The following UGT1A9 variants were observed in gnomAD, a reference collection of about 807,000 sequenced individuals.
UGT1A9 encodes UDP glucuronosyltransferase family 1 member A9.
In UGT1A9, 35 loss-of-function variants were observed where a neutral mutation model predicts 45.0. The ratio of observed to expected loss-of-function variants is 0.78; its 90% CI spans 0.59 to 1.03. The LOEUF is 1.03. Ranked by LOEUF, UGT1A9 falls within the 50% of genes least tolerant of loss-of-function variation. The probability of loss-of-function intolerance (pLI) is 0.00; values close to 1 mark genes in which losing one functional copy is unlikely to be tolerated. For synonymous variants in UGT1A9, 278 were observed against 250.6 expected (o/e 1.11, Z -1.03); for missense variants, 687 against 666.6 (o/e 1.03, Z -0.34).
chr2:233,755,066 A>G, intron 1 of UGT1A9: 1 of 1,335,668 alleles, frequency 7.5e-7, no homozygotes, highest in Non-Finnish European at 1.0e-6. Flanking sequence ...TCGCCTCGCC[A>G]TAGCGGTCAT....
intron 1 of UGT1A9, among the ~76,000 whole-genome samples, chr2:233,730,262 T>G (rs2078006509): frequency 6.6e-6 from 1 of 152,108 alleles, no homozygotes; most frequent in South Asian, 2.1e-4. Context: ...TAGAGACTGT[T>G]GGTTTGTAAA....
intron 1 of UGT1A9, among the ~76,000 whole-genome samples, chr2:233,714,507 T>A (rs1275407158): frequency 6.6e-6 from 1 of 152,186 alleles, no homozygotes; most frequent in African/African-American, 2.4e-5. Flanking sequence ...TTAAAAAAAA[T>A]TCTTACTAGG....
chr2:233,769,576 T>C lies in UGT1A9; in HGVS notation c.1295+1137T>C. The C allele has an allele frequency of 3.1e-6, 5 of 1,612,860 alleles. No individual in the cohort carries two copies. Among genetic ancestry groups the C allele is most frequent in the Non-Finnish European group, 4.2e-6 (5 of 1,179,860 alleles). ...GACAGATGTGAAGAGCTGGAGCATG[T>C]TCAGATGAGAGGAGACGGAACACGG... On this transcript the variant is annotated intron_variant, in intron 4 of 4. Coordinates refer to ENST00000354728, the MANE Select transcript of UGT1A9 (RefSeq NM_021027.3). The surrounding 1 kb of genome is among the most constrained non-coding windows in gnomAD (Gnocchi z 4.4).
At position 233,772,345 on chromosome 2, in the gene UGT1A9, A is replaced by G. The variant is rs72551358; in HGVS notation, c.1379A>G (p.Glu460Gly). 4 of 1,614,196 alleles carry G rather than the reference A, an allele frequency of 2.5e-6. No homozygotes were observed. The highest frequency in any genetic ancestry group is 3.4e-6 in the Non-Finnish European group (4 of 1,180,040). The change falls in exon 5 of 5, where the codon GAG becomes GGG. Residue 460 changes from glutamate (E) to glycine (G), a missense_variant. Glu to Gly is a moderately conservative substitution (Grantham distance 98, BLOSUM62 -2). Transcript: ENST00000354728. ...CTGGACCTGGCCGTGTTCTGGGTGG[A>G]GTTTGTGATGAGGCACAAGGGCGCG... The part of the protein sequence containing the change: ...EPLDLAVFWV[E>G]FVMRHKGAPH...
chr2:233,757,450 T>C (rs1696530836), intron 1 of UGT1A9, among the ~76,000 whole-genome samples: 1 of 150,428 alleles, frequency 6.6e-6, no homozygotes, highest in African/African-American at 2.5e-5. Context: ...TACAGAAACA[T>C]GTCCAGAGCG....
Position 233,693,787 on chromosome 2 carries a change from T to G in UGT1A9, c.855+20998T>G, listed in dbSNP as rs202244084. The G allele has an allele frequency of 5.0e-6, 8 of 1,614,234 alleles. No individual in the cohort carries two copies. In the East Asian group the frequency reaches 1.8e-4, roughly 36 times the overall value. ...GGCTGTTAAGATATGACTTTGTGCT[T>G]GAATATCCTAGGCCGGTCATGCCCA... On this transcript the variant is annotated intron_variant, in intron 1 of 4. Coordinates refer to ENST00000354728, the MANE Select transcript of UGT1A9 (RefSeq NM_021027.3).
intron 1 of UGT1A9, chr2:233,729,416 CTCAACTGT>C (rs2077854535): frequency 6.2e-7 from 1 of 1,613,510 alleles, no homozygotes. Context: ...CTGGGCCACA[CTCAACTGT>C]ACTTTGAAAC....
At chr2:233,709,625 TGTGA>T (rs2076085434) in intron 1 of UGT1A9, among the ~76,000 whole-genome samples, 1 of 152,234 alleles carries the variant, frequency 6.6e-6, no homozygotes, top group African/African-American at 2.4e-5. Flanking sequence ...GGTGTTTTGC[TGTGA>T]GTGTTTCTTG....
intron 1 of UGT1A9, among the ~76,000 whole-genome samples, chr2:233,765,889 C>T (rs1032509940): frequency 6.6e-6 from 1 of 152,020 alleles, no homozygotes; most frequent in Admixed American, 6.5e-5. Context: ...TTTCTCAGTG[C>T]GCCACTGCTC....
chr2:233,681,362 C>T (rs1380468545), intron 1 of UGT1A9, among the ~76,000 whole-genome samples: 2 of 151,664 alleles, frequency 1.3e-5, no homozygotes, highest in Non-Finnish European at 2.9e-5. Flanking sequence ...GGTGAAACCC[C>T]GTCTCCACTA....
chr2:233,678,600 C>T (rs1385438468), intron 1 of UGT1A9, among the ~76,000 whole-genome samples: 1 of 152,124 alleles, frequency 6.6e-6, no homozygotes, highest in African/African-American at 2.4e-5. Flanking sequence ...TTTCAGTGCC[C>T]ATAAGGGTTC....
At chr2:233,680,312 C>G (rs1217539117) in intron 1 of UGT1A9, among the ~76,000 whole-genome samples, 2 of 152,136 alleles carry the variant, frequency 1.3e-5, no homozygotes, top group Non-Finnish European at 2.9e-5. Flanking sequence ...ATGCAATTTA[C>G]TAGAGAGAAG....
At chr2:233,748,154 C>T (rs1428123835) in intron 1 of UGT1A9, 2 of 1,600,806 alleles carry the variant, frequency 1.2e-6, no homozygotes, top group Non-Finnish European at 1.7e-6. Flanking sequence ...CTTACAATTG[C>T]TTCCATATCT....
chr2:233,737,724 T>C (rs2078915957), intron 1 of UGT1A9, among the ~76,000 whole-genome samples: 1 of 152,142 alleles, frequency 6.6e-6, no homozygotes, highest in South Asian at 2.1e-4. Flanking sequence ...ACACCTCCTT[T>C]TTTTTTCCTT....
chr2:233,687,352 G>A (rs923240584), intron 1 of UGT1A9, among the ~76,000 whole-genome samples: 4 of 152,036 alleles, frequency 2.6e-5, no homozygotes, highest in Non-Finnish European at 5.9e-5. Context: ...ACTTCAGATG[G>A]GTGGACTGTC....
chr2:233,725,049 T>G (rs1559369971), intron 1 of UGT1A9, among the ~76,000 whole-genome samples: 1 of 147,424 alleles, frequency 6.8e-6, no homozygotes, highest in African/African-American at 2.5e-5. Context: ...CAGTCAGGCG[T>G]GGCGGCGCGC....
chr2:233,672,076 C>T lies in UGT1A9; in HGVS notation c.142C>T (p.Leu48Phe). ...WFTMRSVVEK[L>F]ILRGHEVVVV... Reference sequence around the variant, plus strand: ...CACCATGAGGTCGGTGGTGGAGAAACTCATTCTCAGGGGGCATGAGGTGGT... The same window carrying T: ...CACCATGAGGTCGGTGGTGGAGAAATTCATTCTCAGGGGGCATGAGGTGGT... Residue 48 changes from leucine to phenylalanine, a missense_variant, in exon 1 of 5, where the codon CTC becomes TTC. Transcript: ENST00000354728. 1 of 1,614,126 alleles carries T rather than the reference C, an allele frequency of 6.2e-7. No homozygotes were observed. The highest frequency in any genetic ancestry group is 8.5e-7 in the Non-Finnish European group (1 of 1,180,004).
rs569556369 is a variant in UGT1A9, at chr2:233,768,497, C to G, written c.1295+58C>G. 8 of 1,559,772 alleles carry G rather than the reference C, an allele frequency of 5.1e-6. No individual in the cohort carries two copies. The South Asian group carries it at 9.4e-5, about 18-fold the overall frequency. On this transcript the variant is annotated intron_variant, in intron 4 of 4. Coordinates refer to ENST00000354728, the MANE Select transcript of UGT1A9 (RefSeq NM_021027.3). ...CATGGCATTCATGATAAAATTGTTT[C>G]AAATATGAAAACATTTACGTAGCAT... is the stretch of plus-strand genomic sequence containing the variant.
rs146146688 is a variant in UGT1A9 at position 233,719,081 on chromosome 2, G to T, written c.855+46292G>T. 1.8e-5 allele frequency: 29 copies of T among 1,614,132 alleles called. No individual in the cohort carries two copies. In the East Asian group the frequency reaches 3.3e-4, roughly 19 times the overall value. On this transcript the variant is annotated intron_variant, in intron 1 of 4. Transcript: ENST00000354728. ...CCTATGCTGTTCCATGGACCCAGAA[G>T]GAATTTGATCGCGTTACGCTGGGCT...
Sources: gnomAD v4.1 joint callset for allele counts (sites outside exome capture counted in the v4.1 genomes callset) on GRCh38, gnomAD v4.1.1 for gene constraint, Gnocchi (gnomAD v3.1) non-coding constraint, MANE v1.5 for transcripts, NCBI Gene and HGNC (gene_info 2026-07-23, HGNC 2026-07-21) for gene names.